The following ATP11C variants were observed in gnomAD, a reference collection of about 807,000 sequenced individuals.
ATP11C encodes phospholipid-transporting ATPase IG.
Under a neutral mutation model 97.4 loss-of-function variants are expected in ATP11C, and 36 were observed. The observed-to-expected ratio is 0.37, with a 90% confidence interval of 0.28 to 0.49. ATP11C has a LOEUF of 0.49. Among genes scored for constraint, ATP11C ranks in the 20% least tolerant of loss-of-function variants. The probability of loss-of-function intolerance (pLI) is 0.98; values close to 1 mark genes in which losing one functional copy is unlikely to be tolerated. For missense variants in ATP11C, 730 were observed against 824.6 expected (o/e 0.89, Z 1.40); for synonymous variants, 275 against 290.9 (o/e 0.95, Z 0.56).
chrX:139,817,541 A>G (rs772506558), intron 3 of ATP11C, among the ~76,000 whole-genome samples: 10 of 112,655 alleles, frequency 8.9e-5, no homozygotes, highest in Non-Finnish European at 7.5e-5. Context: ...TTCATTCTCT[A>G]TCCCACAAAT....
In ATP11C at chrX:139,761,965, TAGA is replaced by T; in HGVS notation, c.2633_2635del (p.Phe878del). ...TACATATATTTTATCACATACCTTA[TAGA>T]AGAAGTACTGTACAAGGTGTGCTAT... On this transcript the variant is annotated inframe_deletion, in exon 22 of 30. Transcript: ENST00000682941. 1 of 1,155,678 alleles carries T rather than the reference TAGA, an allele frequency of 8.7e-7. No homozygotes were observed.
intron 1 of ATP11C, among the ~76,000 whole-genome samples, chrX:139,864,782 A>G (rs1368939054): frequency 1.8e-5 from 2 of 112,441 alleles, no homozygotes; most frequent in Non-Finnish European, 3.7e-5. Flanking sequence ...CAAGATGAGT[A>G]GTTTTCTGCC....
chrX:139,814,434 T>C lies in ATP11C; in HGVS notation c.426+444A>G, dbSNP rs1371270745. The stretch of plus-strand genomic sequence containing the variant: ...AAAACAGATGTTCAAACAAAAACTG[T>C]AATTCAATGTTCATAGCAATTCATA... On this transcript the variant is annotated intron_variant, in intron 5 of 29. Coordinates refer to ENST00000682941, the MANE Select transcript of ATP11C (RefSeq NM_001353812.2). Among the ~76,000 whole-genome samples, 4 of 112,102 alleles carry C rather than the reference T, an allele frequency of 3.6e-5. No homozygotes were observed. The Admixed American group carries it at 3.8e-4, about 11-fold the overall frequency.
intron 23 of ATP11C, among the ~76,000 whole-genome samples, chrX:139,755,140 A>C (rs182438192): frequency 1.8e-5 from 2 of 112,302 alleles, no homozygotes; most frequent in East Asian, 5.6e-4. Context: ...GCGAAGTTTC[A>C]GGATACGAAA....
At chrX:139,818,592 T>G (rs1456717390) in intron 3 of ATP11C, among the ~76,000 whole-genome samples, 1 of 112,271 alleles carries the variant, frequency 8.9e-6, no homozygotes, top group Non-Finnish European at 1.9e-5. Context: ...AGACTGATTT[T>G]AAGTAGCAAG....
intron 1 of ATP11C, among the ~76,000 whole-genome samples, chrX:139,848,839 G>A (rs946254090): frequency 8.9e-6 from 1 of 111,776 alleles, no homozygotes; most frequent in Non-Finnish European, 1.9e-5. Flanking sequence ...TACCTACAAA[G>A]CTCTAAATCC....
Position 139,796,288 on chromosome X carries a change from A to G in ATP11C, c.1191T>C (p.Asn397=), listed in dbSNP as rs754029952. The G allele has an allele frequency of 8.4e-7, 1 of 1,191,991 alleles. No homozygotes were observed. The highest frequency in any genetic ancestry group is 3.0e-5 in the East Asian group (1 of 33,444). ...ATGCTCTAACCTGACCAAGTTCTTC[A>G]TTAAGGTCTGATGTGTTAACCAGGG... ...EGALVNTSDL[N]EELGQVDYVF... The change falls in exon 12 of 30, where the codon AAT becomes AAC. Residue 397 remains asparagine (N), a synonymous_variant. Coordinates refer to ENST00000682941, the MANE Select transcript of ATP11C (RefSeq NM_001353812.2).
chrX:139,900,367 CA>C (rs34007097), intron 1 of ATP11C, among the ~76,000 whole-genome samples: 898 of 36,786 alleles, frequency 0.024, 23 homozygotes, highest in East Asian at 0.23. Flanking sequence ...GACTCCGTCT[CA>C]AAAAAAAAAA....
At chrX:139,907,704 C>T (rs749438984) in intron 1 of ATP11C, among the ~76,000 whole-genome samples, 16 of 108,729 alleles carry the variant, frequency 1.5e-4, no homozygotes, top group Non-Finnish European at 1.9e-4. Flanking sequence ...GCCGAGATTG[C>T]GCCACTGCAC....
intron 26 of ATP11C, among the ~76,000 whole-genome samples, chrX:139,743,175 TCACA>T (rs745426001): frequency 1.9e-5 from 2 of 107,739 alleles, no homozygotes; most frequent in Non-Finnish European, 3.8e-5. Flanking sequence ...CTTAACATAA[TCACA>T]CACACACACA....
chrX:139,916,372 T>A (rs1167599214), intron 1 of ATP11C, among the ~76,000 whole-genome samples: 2 of 111,705 alleles, frequency 1.8e-5, no homozygotes, highest in Non-Finnish European at 3.8e-5. Context: ...TGAGCACATA[T>A]TATGTCAGGC....
intron 1 of ATP11C, among the ~76,000 whole-genome samples, chrX:139,864,692 A>G (rs1211202621): frequency 8.9e-6 from 1 of 112,389 alleles, no homozygotes; most frequent in Non-Finnish European, 1.9e-5. Context: ...ATTTTCTGAA[A>G]AGATGCTAAG....
intron 5 of ATP11C, 105 bp from the exon 6 acceptor site, chrX:139,804,704 G>T: frequency 1.7e-6 from 1 of 592,647 alleles, no homozygotes; most frequent in African/African-American, 2.3e-5. Context: ...TAGCTCTGGG[G>T]CTTTGAGAGT....
chrX:139,742,115 T>C (rs2081568362), intron 26 of ATP11C, among the ~76,000 whole-genome samples: 1 of 111,355 alleles, frequency 9.0e-6, no homozygotes, highest in Non-Finnish European at 1.9e-5. Context: ...GTGAAGGCCA[T>C]TTGGAAGCCC....
intron 1 of ATP11C, among the ~76,000 whole-genome samples, chrX:139,835,444 A>G (rs1278693608): frequency 9.0e-6 from 1 of 110,514 alleles, no homozygotes; most frequent in East Asian, 2.9e-4. Flanking sequence ...CGCTCTTGTC[A>G]CCCAGGCTGG....
chrX:139,794,001 C>G (rs1174103640), intron 12 of ATP11C, among the ~76,000 whole-genome samples: 1 of 112,099 alleles, frequency 8.9e-6, no homozygotes, highest in African/African-American at 3.2e-5. Flanking sequence ...TATACTCACA[C>G]TATAAAGTTC....
chrX:139,802,102 C>G, intron 7 of ATP11C, 134 bp downstream of exon 7: 1 of 476,126 alleles, frequency 2.1e-6, no homozygotes, highest in Admixed American at 3.1e-5. Context: ...ATTTTTCTGC[C>G]AGAAGGAAGG....
At chrX:139,787,799 G>T (rs1328509976) in intron 14 of ATP11C, among the ~76,000 whole-genome samples, 1 of 112,223 alleles carries the variant, frequency 8.9e-6, no homozygotes. Flanking sequence ...TGACCTTTGA[G>T]CCACTTAATT....
In ATP11C at chrX:139,819,575, A is replaced by G. The variant is rs2083360249; in HGVS notation, c.148-148T>C. On this transcript the variant is annotated intron_variant, in intron 2 of 29. Coordinates refer to ENST00000682941, the MANE Select transcript of ATP11C (RefSeq NM_001353812.2). ...AACTGAAATCTCACACATATACATAAGCATATATTTAGAGGCACTGTATAT... is the reference window on the plus strand; with the variant it reads ...AACTGAAATCTCACACATATACATAGGCATATATTTAGAGGCACTGTATAT... The G allele has an allele frequency of 2.0e-5, 6 of 300,598 alleles. No individual in the cohort carries two copies. The East Asian group carries it at 2.9e-4, about 15-fold the overall frequency. The allele number at this position is 300,598 out of a possible 1,213,427, so 24.8% of individuals were successfully genotyped here. A position where few individuals can be genotyped will look rare whatever the true frequency, so the allele number is the denominator to read the frequency against.
Sources: allele counts gnomAD v4.1 joint callset (sites outside exome capture counted in the v4.1 genomes callset), GRCh38; gene constraint gnomAD v4.1.1; transcripts MANE v1.5; gene names NCBI Gene and HGNC (gene_info 2026-07-23, HGNC 2026-07-21).